ADARB1: variants seen among roughly 807,000 people sequenced by gnomAD.
The protein encoded by ADARB1 is adenosine deaminase RNA specific B1, also known as double-stranded RNA-specific editase 1.
In ADARB1, 10 loss-of-function variants were observed where a neutral mutation model predicts 52.4. That is an observed-to-expected ratio of 0.19 (90% CI 0.12 to 0.32). The LOEUF (loss-of-function observed/expected upper bound fraction) is 0.32, where lower values mean the gene tolerates loss of function less well. Among genes scored for constraint, ADARB1 ranks in the 10% least tolerant of loss-of-function variants. ADARB1 has a pLI of 1.00. For synonymous variants in ADARB1, 349 were observed against 371.1 expected (o/e 0.94, Z 0.68); for missense variants, 643 against 922.3 (o/e 0.70, Z 3.92).
At chr21:45,082,938 C>G (rs1367368041) in intron 1 of ADARB1, among the ~76,000 whole-genome samples, 4 of 152,364 alleles carry the variant, frequency 2.6e-5, no homozygotes, top group East Asian at 3.9e-4. Flanking sequence ...TCCTGCTGTC[C>G]CTTCCTGCCA....
At chr21:45,202,059 G>A (rs1293109400) in intron 8 of ADARB1, among the ~76,000 whole-genome samples, 1 of 152,026 alleles carries the variant, frequency 6.6e-6, no homozygotes, top group Non-Finnish European at 1.5e-5. Context: ...AGGACTGCTG[G>A]CATTTTCTTG....
intron 1 of ADARB1, among the ~76,000 whole-genome samples, chr21:45,094,893 C>G (rs2086695883): frequency 6.6e-6 from 1 of 152,164 alleles, no homozygotes; most frequent in Admixed American, 6.5e-5. Flanking sequence ...CCTGGACGCT[C>G]ACTGAGAGGC....
intron 1 of ADARB1, among the ~76,000 whole-genome samples, chr21:45,103,688 T>TG (rs886653021): frequency 1.4e-4 from 21 of 152,068 alleles, no homozygotes; most frequent in African/African-American, 5.1e-4. Context: ...GCCCAGGGGT[T>TG]GGGACTCCTG....
chr21:45,180,373 G>A lies in ADARB1; in HGVS notation c.1007G>A (p.Gly336Asp). The A allele has an allele frequency of 1.9e-6, 3 of 1,614,146 alleles. No homozygotes were observed. The highest frequency in any genetic ancestry group is 1.7e-6 in the Non-Finnish European group (2 of 1,180,020). The change falls in exon 5 of 11, where the codon GGT becomes GAT. Residue 336 changes from glycine (G) to aspartate (D), a missense_variant. Physicochemically the swap from Gly to Asp is moderately conservative, Grantham distance 94 (BLOSUM62 -1). Around this residue, in one of 2 missense-constraint regions of ADARB1, gnomAD observed 380 missense variants for 446.5 expected, o/e 0.85. Coordinates refer to ENST00000348831, the MANE Select transcript of ADARB1 (RefSeq NM_001112.4). Reference protein sequence around the residue: ...AVSRLVLGKFGDLTDNFSSPH... With the variant: ...AVSRLVLGKFDDLTDNFSSPH... Reference sequence around the variant, plus strand: ...TCACGCCTGGTCCTGGGTAAGTTTGGTGACCTGACCGACAACTTCTCCTCC... The same window carrying A: ...TCACGCCTGGTCCTGGGTAAGTTTGATGACCTGACCGACAACTTCTCCTCC...
At chr21:45,194,155 G>A (rs2146284774) in intron 8 of ADARB1, among the ~76,000 whole-genome samples, 1 of 152,252 alleles carries the variant, frequency 6.6e-6, no homozygotes, top group East Asian at 1.9e-4. Flanking sequence ...GTGGTTTTAG[G>A]TTTATAGGAA....
chr21:45,147,391 C>T (rs1322349651), intron 2 of ADARB1, among the ~76,000 whole-genome samples: 1 of 152,184 alleles, frequency 6.6e-6, no homozygotes, highest in Non-Finnish European at 1.5e-5. Flanking sequence ...TTGACGTCCT[C>T]TGTTGGGGAT....
At chr21:45,175,448 G>GA (rs558017735) in intron 3 of ADARB1, among the ~76,000 whole-genome samples, 1 of 152,034 alleles carries the variant, frequency 6.6e-6, no homozygotes. Context: ...ATTCTCAGAA[G>GA]AAAAAAAATT....
intron 8 of ADARB1, among the ~76,000 whole-genome samples, chr21:45,195,167 A>G (rs1214581658): frequency 2.0e-5 from 3 of 152,204 alleles, no homozygotes; most frequent in Non-Finnish European, 4.4e-5. Flanking sequence ...GATGTGGAGC[A>G]TCTTTTCATG....
chr21:45,076,391 A>G (rs180820405), intron 1 of ADARB1, among the ~76,000 whole-genome samples: 3 of 152,362 alleles, frequency 2.0e-5, no homozygotes, highest in African/African-American at 7.2e-5. Context: ...GAACTCACAC[A>G]GACTCTGAAA....
chr21:45,114,378 T>C (rs182836825), intron 1 of ADARB1, among the ~76,000 whole-genome samples: 20 of 152,234 alleles, frequency 1.3e-4, no homozygotes, highest in African/African-American at 4.3e-4. Flanking sequence ...CAGCACCCTC[T>C]CAGAGTGGTG....
chr21:45,125,476 C>G (rs2088516157), intron 1 of ADARB1, among the ~76,000 whole-genome samples: 1 of 152,242 alleles, frequency 6.6e-6, no homozygotes, highest in African/African-American at 2.4e-5. Context: ...GAGTTGGCTC[C>G]CCAGAGACAG....
chr21:45,213,489 A>G lies in ADARB1; in HGVS notation c.1748-7347A>G, dbSNP rs377186761. 2.3e-3 allele frequency among the ~76,000 whole-genome samples: 344 copies of G among 152,354 alleles called. 1 individual carries two copies. Among genetic ancestry groups the G allele is most frequent in the African/African-American group, 7.9e-3 (329 of 41,580 alleles). On this transcript the variant is annotated intron_variant, in intron 9 of 10. Coordinates refer to ENST00000348831, the MANE Select transcript of ADARB1 (RefSeq NM_001112.4). Reference sequence around the variant, plus strand: ...TTAGGTCTGTGCAACCATCACCACAATAAAGATAATGAGTATACTTAATCC... The same window carrying G: ...TTAGGTCTGTGCAACCATCACCACAGTAAAGATAATGAGTATACTTAATCC...
At chr21:45,182,516 T>G in intron 5 of ADARB1, 69 bp from the exon 6 acceptor site, 1 of 1,523,834 alleles carries the variant, frequency 6.6e-7, no homozygotes, top group African/African-American at 1.4e-5. Flanking sequence ...AGAGTCAGAC[T>G]TCAGGAGCAC....
At chr21:45,206,499 TAG>T (rs2092667950) in intron 9 of ADARB1, among the ~76,000 whole-genome samples, 1 of 151,220 alleles carries the variant, frequency 6.6e-6, no homozygotes, top group Admixed American at 6.6e-5. Context: ...GTCTGCAAGA[TAG>T]AGACTTCAAA....
chr21:45,078,542 C>G (rs1313403410), intron 1 of ADARB1, among the ~76,000 whole-genome samples: 2 of 152,196 alleles, frequency 1.3e-5, no homozygotes, highest in Non-Finnish European at 2.9e-5. Flanking sequence ...GAGGTCACGG[C>G]AGCAGCAGCC....
intron 1 of ADARB1, among the ~76,000 whole-genome samples, chr21:45,122,388 C>T (rs543283469): frequency 6.6e-6 from 1 of 152,292 alleles, no homozygotes; most frequent in East Asian, 1.9e-4. Context: ...TGGTACAAGG[C>T]ATGTTAAATC....
At chr21:45,169,847 C>A (rs1419916114) in intron 2 of ADARB1, among the ~76,000 whole-genome samples, 1 of 152,218 alleles carries the variant, frequency 6.6e-6, no homozygotes, top group Non-Finnish European at 1.5e-5. Flanking sequence ...TCGTGATATG[C>A]TCAGCCAGAC....
At position 45,172,641 on chromosome 21, in the gene ADARB1, G is replaced by C. The variant is rs1410546286; in HGVS notation, c.28+957G>C. Among the ~76,000 whole-genome samples the C allele has an allele frequency of 6.6e-6, 1 of 152,198 alleles. No individual in the cohort carries two copies. The highest frequency in any genetic ancestry group is 1.5e-5 in the Non-Finnish European group (1 of 68,032). On this transcript the variant is annotated intron_variant, in intron 3 of 10. Coordinates refer to ENST00000348831, the MANE Select transcript of ADARB1 (RefSeq NM_001112.4). This position sits in a 1 kb window ranked among gnomAD's most constrained non-coding sequence, Gnocchi z 4.4. ...TTTCTGCGTGGTATTGCTGCCCCAT[G>C]GGTGTGCTGTGGAGGCGGCTGGGCC...
At chr21:45,129,615 AC>A (rs2088806266) in intron 2 of ADARB1, among the ~76,000 whole-genome samples, 1 of 152,216 alleles carries the variant, frequency 6.6e-6, no homozygotes, top group Non-Finnish European at 1.5e-5. Flanking sequence ...CTCACTGGAC[AC>A]AGCCGTGCTC....
Sources: gnomAD v4.1 joint callset for allele counts (sites outside exome capture counted in the v4.1 genomes callset) on GRCh38, gnomAD v4.1.1 for gene constraint, gnomAD v4.1.1 regional missense constraint, Gnocchi (gnomAD v3.1) non-coding constraint, MANE v1.5 for transcripts, NCBI Gene and HGNC (gene_info 2026-07-23, HGNC 2026-07-21) for gene names.